Variants in SUMF1 observed in about 807,000 individuals in gnomAD.
SUMF1 encodes the protein sulfatase modifying factor 1.
A neutral mutation model predicts 47.6 loss-of-function variants in SUMF1; 48 were observed. The ratio of observed to expected loss-of-function variants is 1.01; its 90% CI spans 0.80 to 1.28. The LOEUF is 1.28. SUMF1 is among the 50% of genes most tolerant of loss of function. The pLI is 0.00. For synonymous variants in SUMF1, 230 were observed against 192.1 expected, an observed-to-expected ratio of 1.20 and a Z score of -1.63; for missense variants, 571 against 485.4, an observed-to-expected ratio of 1.18 and a Z score of -1.66.
chr3:4,276,583 CAT>C (rs1221525860), intron 8 of SUMF1, among the ~76,000 whole-genome samples: 1 of 152,120 alleles, frequency 6.6e-6, no homozygotes, highest in Non-Finnish European at 1.5e-5. Context: ...ATAAAATGCA[CAT>C]GATTTATCAG....
intron 8 of SUMF1, among the ~76,000 whole-genome samples, chr3:4,169,444 C>G (rs1249365859): frequency 6.6e-6 from 1 of 152,090 alleles, no homozygotes; most frequent in Non-Finnish European, 1.5e-5. Context: ...GGCCATGTGA[C>G]TGGAACGAGG....
chr3:4,452,980 C>A lies in SUMF1; in HGVS notation c.340G>T (p.Ala114Ser). 6.2e-7 allele frequency: 1 copy of A among 1,614,144 alleles called. No homozygotes were observed. Among genetic ancestry groups the A allele is most frequent in the Non-Finnish European group, 8.5e-7 (1 of 1,180,032 alleles). ...DDPQIKQDGE[A>S]PARRVTIDAF... ...TCAATAGTAACTCTCCTCGCAGGTGCTTCCCCATCCTGCTTTATCTGAGGA... is the reference window on the plus strand; with the variant it reads ...TCAATAGTAACTCTCCTCGCAGGTGATTCCCCATCCTGCTTTATCTGAGGA... The change falls in exon 2 of 9, where the codon GCA becomes TCA. Residue 114 changes from alanine (A) to serine (S), a missense_variant. By Grantham distance (99) the Ala-to-Ser change is moderately conservative. Coordinates refer to ENST00000272902, the MANE Select transcript of SUMF1 (RefSeq NM_182760.4).
At chr3:4,312,428 AC>A (rs1294449953) in intron 8 of SUMF1, among the ~76,000 whole-genome samples, 1 of 152,124 alleles carries the variant, frequency 6.6e-6, no homozygotes, top group Non-Finnish European at 1.5e-5. Context: ...TTGTCCTTAT[AC>A]ATACATAATA....
intron 8 of SUMF1, among the ~76,000 whole-genome samples, chr3:4,094,077 A>G (rs965751047): frequency 1.3e-5 from 2 of 152,138 alleles, no homozygotes; most frequent in Non-Finnish European, 2.9e-5. Flanking sequence ...CAGAAAATAA[A>G]TAAGAAAGAC....
chr3:4,289,667 C>G (rs1187062140), intron 8 of SUMF1, among the ~76,000 whole-genome samples: 3 of 152,152 alleles, frequency 2.0e-5, no homozygotes, highest in Non-Finnish European at 4.4e-5. Context: ...TCAACTGGAT[C>G]TACCTTCTCT....
intron 8 of SUMF1, among the ~76,000 whole-genome samples, chr3:4,249,691 A>G (rs1184597208): frequency 6.6e-6 from 1 of 152,216 alleles, no homozygotes; most frequent in Non-Finnish European, 1.5e-5. Flanking sequence ...CTAAGTTTTT[A>G]AGTAAAAACA....
rs147383118 is a variant in SUMF1 at position 4,404,690 on chromosome 3, G to A, written c.954+6175C>T. On this transcript the variant is annotated intron_variant, in intron 7 of 8. Coordinates refer to ENST00000272902, the MANE Select transcript of SUMF1 (RefSeq NM_182760.4). The stretch of plus-strand genomic sequence containing the variant: ...GAGGCAGGAGAATCGCTTGAACCCA[G>A]GAGGTGGAGGTTGCAGTGAGCTGAG... 1.1e-3 allele frequency among the ~76,000 whole-genome samples: 174 copies of A among 152,332 alleles called. 3 individuals carry two copies. The highest frequency in any genetic ancestry group is 0.011 in the East Asian group (59 of 5,188).
chr3:4,304,625 T>G (rs960568545), intron 8 of SUMF1, among the ~76,000 whole-genome samples: 4 of 152,158 alleles, frequency 2.6e-5, no homozygotes, highest in African/African-American at 9.7e-5. Flanking sequence ...AATAATAATT[T>G]AAAAATGCAT....
chr3:4,313,329 C>G (rs1698495475), intron 8 of SUMF1: 1 of 1,613,870 alleles, frequency 6.2e-7, no homozygotes, highest in South Asian at 1.1e-5. Context: ...TTATAGCCAT[C>G]AGGGAACATG....
intron 8 of SUMF1, among the ~76,000 whole-genome samples, chr3:4,246,911 C>A (rs1028091723): frequency 6.6e-6 from 1 of 152,102 alleles, no homozygotes; most frequent in Non-Finnish European, 1.5e-5. Flanking sequence ...TATATATTTC[C>A]TTAACACATA....
rs111519391 is a variant in SUMF1 at position 4,247,192 on chromosome 3, G to C, written c.1014+129138C>G. Among the ~76,000 whole-genome samples, 3 of 152,316 alleles carry C rather than the reference G, an allele frequency of 2.0e-5. 1 individual carries two copies. The highest frequency in any genetic ancestry group is 7.2e-5 in the African/African-American group (3 of 41,586). Reference sequence around the variant, plus strand: ...TGTGTCAGCAACAGAAGCAAAACCAGAGTCAAGGCCAAGTAATTAATTCAC... The same window carrying C: ...TGTGTCAGCAACAGAAGCAAAACCACAGTCAAGGCCAAGTAATTAATTCAC... On this transcript the variant is annotated intron_variant and NMD_transcript_variant, in intron 8 of 12. Transcript: ENST00000448413.
intron 9 of SUMF1, among the ~76,000 whole-genome samples, chr3:4,061,537 C>A (rs755705931): frequency 1.3e-5 from 2 of 152,146 alleles, no homozygotes; most frequent in Non-Finnish European, 1.5e-5. Flanking sequence ...TGAGACTGAT[C>A]TCCCATCTCC....
At chr3:4,169,464 G>A (rs982930155) in intron 8 of SUMF1, among the ~76,000 whole-genome samples, 2 of 152,092 alleles carry the variant, frequency 1.3e-5, no homozygotes, top group Non-Finnish European at 2.9e-5. Context: ...GCATCTACAA[G>A]ACAAAGAACA....
intron 8 of SUMF1, among the ~76,000 whole-genome samples, chr3:4,323,731 T>C (rs115642537): frequency 0.012 from 1,772 of 152,264 alleles, 17 homozygotes; most frequent in Non-Finnish European, 0.014. Flanking sequence ...CTCCACTTAC[T>C]TTCTGTCCTC....
At chr3:4,109,334 C>A (rs1194000124) in intron 8 of SUMF1, among the ~76,000 whole-genome samples, 1 of 152,122 alleles carries the variant, frequency 6.6e-6, no homozygotes, top group South Asian at 2.1e-4. Flanking sequence ...GTAACCCGAC[C>A]TTTCTCTCTG....
intron 8 of SUMF1, among the ~76,000 whole-genome samples, chr3:4,133,184 CATTTT>C (rs1299638474): frequency 1.3e-5 from 2 of 152,122 alleles, no homozygotes; most frequent in African/African-American, 4.8e-5. Flanking sequence ...GAAAAATCTT[CATTTT>C]ATTTCCTTTC....
intron 3 of SUMF1, among the ~76,000 whole-genome samples, chr3:4,431,781 C>T (rs56392807): frequency 0.021 from 3,167 of 152,236 alleles, 52 homozygotes; most frequent in East Asian, 0.092. Flanking sequence ...AAGGTATCTC[C>T]GGCTGGCAAA....
At chr3:4,360,035 T>C (rs552926815), downstream of SUMF1, among the ~76,000 whole-genome samples, 1 of 152,162 alleles carries the variant, frequency 6.6e-6, no homozygotes, top group South Asian at 2.1e-4. Context: ...ACTTACGCAA[T>C]GTAACATTAA....
At chr3:4,202,798 A>C (rs889096778) in intron 8 of SUMF1, among the ~76,000 whole-genome samples, 4 of 151,834 alleles carry the variant, frequency 2.6e-5, no homozygotes, top group African/African-American at 9.7e-5. Context: ...TGTTTTAATG[A>C]ATTTTTCAAT....
Sources: gnomAD v4.1 joint callset for allele counts (sites outside exome capture counted in the v4.1 genomes callset) on GRCh38, gnomAD v4.1.1 for gene constraint, MANE v1.5 for transcripts, NCBI Gene and HGNC (gene_info 2026-07-23, HGNC 2026-07-21) for gene names.